FOXP2: variants seen among roughly 807,000 people sequenced by gnomAD.
FOXP2 encodes the protein forkhead box P2, also known as forkhead box protein P2.
In FOXP2, 12 loss-of-function variants were observed where a neutral mutation model predicts 115.8. That is an observed-to-expected ratio of 0.10 (90% CI 0.07 to 0.17). The LOEUF (loss-of-function observed/expected upper bound fraction) is 0.17, where lower values mean the gene tolerates loss of function less well. Ranked by LOEUF, FOXP2 falls within the 10% of genes least tolerant of loss-of-function variation. The pLI, the probability that FOXP2 is intolerant of heterozygous loss-of-function variation, is 1.00. For synonymous variants in FOXP2, 328 were observed against 297.7 expected (o/e 1.10, Z -1.05); for missense variants, 629 against 843.5 (o/e 0.75, Z 3.15).
At chr7:114,157,233 A>C (rs960586498) in intron 1 of FOXP2, among the ~76,000 whole-genome samples, 6 of 152,170 alleles carry the variant, frequency 3.9e-5, no homozygotes, top group African/African-American at 1.4e-4. Flanking sequence ...TTTAAATTAA[A>C]TGTTAGAAAT....
chr7:114,648,601 A>G (rs1014769025), intron 8 of FOXP2, among the ~76,000 whole-genome samples: 14 of 152,102 alleles, frequency 9.2e-5, no homozygotes, highest in South Asian at 2.1e-4. Flanking sequence ...ATTAAAGAGA[A>G]TTATGCATTA....
intron 2 of FOXP2, among the ~76,000 whole-genome samples, chr7:114,438,052 T>G (rs1301577961): frequency 6.6e-6 from 1 of 152,194 alleles, no homozygotes; most frequent in African/African-American, 2.4e-5. Context: ...ATGAAATATA[T>G]TATTTGAAAC....
At chr7:114,577,466 G>T (rs914524344) in intron 3 of FOXP2, among the ~76,000 whole-genome samples, 1 of 151,862 alleles carries the variant, frequency 6.6e-6, no homozygotes, top group Non-Finnish European at 1.5e-5. Context: ...TAAGTTTTAT[G>T]CAAATAGATT....
intron 2 of FOXP2, among the ~76,000 whole-genome samples, chr7:114,374,186 T>G (rs561788464): frequency 2.0e-4 from 30 of 152,334 alleles, no homozygotes; most frequent in African/African-American, 5.8e-4. Flanking sequence ...TTAAGTAATA[T>G]TTGTAGAACA....
chr7:114,674,077 A>G (rs539043282), intron 16 of FOXP2, among the ~76,000 whole-genome samples: 4 of 152,338 alleles, frequency 2.6e-5, no homozygotes, highest in Non-Finnish European at 5.9e-5. Flanking sequence ...AGACATAATT[A>G]TAAGCTGTCA....
intron 1 of FOXP2, among the ~76,000 whole-genome samples, chr7:114,279,761 T>C (rs996661319): frequency 2.1e-4 from 32 of 149,406 alleles, no homozygotes; most frequent in Non-Finnish European, 3.7e-4. Context: ...CTTGTTATAT[T>C]AGTTTAAAAA....
chr7:114,302,770 T>A (rs955783196), intron 2 of FOXP2, among the ~76,000 whole-genome samples: 6 of 152,156 alleles, frequency 3.9e-5, no homozygotes, highest in African/African-American at 7.2e-5. Flanking sequence ...AAGTGATTAT[T>A]CTGCTGGACT....
rs368965145 is a variant in FOXP2, at chr7:114,664,255, C to T, written c.1840-18C>T. On this transcript the variant is annotated intron_variant, in intron 15 of 16. Coordinates refer to ENST00000350908, the MANE Select transcript of FOXP2 (RefSeq NM_014491.4). ...ATGCCATTTTGAAAGTTGTTTTACA[C>T]AATCTTCATTTCACTAGGCTGCCTT... is the stretch of plus-strand genomic sequence containing the variant. The T allele has an allele frequency of 6.8e-6, 11 of 1,611,792 alleles. No homozygotes were observed. In the African/African-American group the frequency reaches 1.2e-4, roughly 18 times the overall value.
At chr7:114,292,695 A>G (rs1270643125) in intron 2 of FOXP2, among the ~76,000 whole-genome samples, 1 of 152,044 alleles carries the variant, frequency 6.6e-6, no homozygotes, top group African/African-American at 2.4e-5. Flanking sequence ...TCTGCATAGT[A>G]TCTTACCCTA....
At chr7:114,654,161 T>C (rs1806444251) in intron 10 of FOXP2, 152 bp downstream of exon 10, 3 of 1,513,496 alleles carry the variant, frequency 2.0e-6, no homozygotes, top group Non-Finnish European at 2.7e-6. Context: ...TCAAATTGTA[T>C]GTTTCTTTTA....
intron 1 of FOXP2, among the ~76,000 whole-genome samples, chr7:114,286,769 C>T (rs1428391926): frequency 6.6e-6 from 1 of 151,956 alleles, no homozygotes; most frequent in East Asian, 1.9e-4. Context: ...GGATTATGCT[C>T]TGTAGAATAC....
chr7:114,147,622 C>A (rs1016085755), intron 1 of FOXP2, among the ~76,000 whole-genome samples: 2 of 151,842 alleles, frequency 1.3e-5, no homozygotes, highest in African/African-American at 4.8e-5. Flanking sequence ...TTTTTTTGCT[C>A]AAAGGGTATT....
intron 2 of FOXP2, among the ~76,000 whole-genome samples, chr7:114,525,374 G>A (rs1798810924): frequency 6.6e-6 from 1 of 152,154 alleles, no homozygotes; most frequent in African/African-American, 2.4e-5. Context: ...AGTATTACTA[G>A]CTGTATTAAA....
intron 2 of FOXP2, among the ~76,000 whole-genome samples, chr7:114,466,570 A>G (rs1795806983): frequency 6.6e-6 from 1 of 152,276 alleles, no homozygotes; most frequent in African/African-American, 2.4e-5. Context: ...TCCTGATGCC[A>G]GTCTTGATGT....
chr7:114,415,563 G>A, intron 1 of FOXP2, among the ~76,000 whole-genome samples: 1 of 151,664 alleles, frequency 6.6e-6, no homozygotes, highest in East Asian at 1.9e-4. Context: ...TGATCTGTCA[G>A]TAGCGTAATG....
intron 2 of FOXP2, among the ~76,000 whole-genome samples, chr7:114,360,298 A>G (rs746078443): frequency 6.6e-6 from 1 of 152,078 alleles, no homozygotes; most frequent in Non-Finnish European, 1.5e-5. Flanking sequence ...CTTTTTCTTT[A>G]TAGATTACCC....
At chr7:114,137,398 C>T (rs972355909) in intron 1 of FOXP2, among the ~76,000 whole-genome samples, 3 of 151,972 alleles carry the variant, frequency 2.0e-5, no homozygotes, top group Admixed American at 2.0e-4. Flanking sequence ...GTGACCAGTA[C>T]TATAAGGAAG....
At chr7:114,219,354 T>C (rs560869331) in intron 1 of FOXP2, among the ~76,000 whole-genome samples, 11 of 152,286 alleles carry the variant, frequency 7.2e-5, no homozygotes, top group Admixed American at 7.2e-4. Flanking sequence ...GGCTAGAAAC[T>C]ACAACTTTAA....
chr7:114,339,024 A>C (rs968739060), intron 2 of FOXP2, among the ~76,000 whole-genome samples: 20 of 151,116 alleles, frequency 1.3e-4, no homozygotes, highest in African/African-American at 4.6e-4. Flanking sequence ...CAGATGTTTT[A>C]TGTAGTTCTG....
Sources: allele counts gnomAD v4.1 joint callset (sites outside exome capture counted in the v4.1 genomes callset), GRCh38; gene constraint gnomAD v4.1.1; transcripts MANE v1.5; gene names NCBI Gene and HGNC (gene_info 2026-07-23, HGNC 2026-07-21).